The following ROR1 variants were observed in gnomAD, a reference collection of about 807,000 sequenced individuals.
The protein encoded by ROR1 is inactive tyrosine-protein kinase transmembrane receptor ROR1.
ROR1 carries 19 observed loss-of-function variants against 78.8 expected under a neutral mutation model. That is an observed-to-expected ratio of 0.24 (90% CI 0.17 to 0.35). The LOEUF (loss-of-function observed/expected upper bound fraction) is 0.35, where lower values mean the gene tolerates loss of function less well. Ranked by LOEUF, ROR1 falls within the 10% of genes least tolerant of loss-of-function variation. The pLI is 1.00. For missense variants in ROR1, 917 were observed against 1,177.8 expected (o/e 0.78, Z 3.24); for synonymous variants, 386 against 433.6 (o/e 0.89, Z 1.36).
chr1:64,158,644 T>C (rs77713163), intron 7 of ROR1, among the ~76,000 whole-genome samples: 2,692 of 152,302 alleles, frequency 0.018, 42 homozygotes, highest in Non-Finnish European at 0.027. Context: ...ATGTATACAG[T>C]CCATTCACGT....
intron 1 of ROR1, among the ~76,000 whole-genome samples, chr1:63,956,397 A>G (rs1351275010): frequency 5.3e-5 from 8 of 152,312 alleles, no homozygotes; most frequent in Admixed American, 3.9e-4. Context: ...CCCAAGAGCA[A>G]CAATCCCAGA....
chr1:63,917,104 G>A (rs1478898566), intron 1 of ROR1, among the ~76,000 whole-genome samples: 1 of 152,072 alleles, frequency 6.6e-6, no homozygotes, highest in Non-Finnish European at 1.5e-5. Context: ...CACAGCAGAA[G>A]ACATCAGGTG....
In ROR1 at chr1:63,915,988, T is replaced by C. The variant is rs180923924; in HGVS notation, c.92-93317T>C. On this transcript the variant is annotated intron_variant, in intron 1 of 8. Transcript: ENST00000371079. ...GCAGTGTCCCTCTGGGAAACATGAA[T>C]CTGTTCCTGGCACCTCTCTAGACAC... Among the ~76,000 whole-genome samples the C allele has an allele frequency of 4.2e-3, 640 of 152,254 alleles. 19 individuals carry two copies. Among genetic ancestry groups the C allele is most frequent in the Non-Finnish European group, 2.4e-3 (161 of 68,026 alleles).
chr1:63,814,343 G>A (rs1000884757), intron 1 of ROR1, among the ~76,000 whole-genome samples: 3 of 152,006 alleles, frequency 2.0e-5, no homozygotes, highest in African/African-American at 7.2e-5. Context: ...CTCTTTTAAT[G>A]CAGCTATTCA....
At chr1:64,023,375 A>T (rs1260532825) in intron 2 of ROR1, among the ~76,000 whole-genome samples, 1 of 152,102 alleles carries the variant, frequency 6.6e-6, no homozygotes, top group Non-Finnish European at 1.5e-5. Flanking sequence ...ATCCAGCTAA[A>T]CAGCTTGGGT....
chr1:64,070,982 C>G (rs891816225), intron 4 of ROR1, among the ~76,000 whole-genome samples: 1 of 152,178 alleles, frequency 6.6e-6, no homozygotes, highest in African/African-American at 2.4e-5. Context: ...GTGAGCCAGG[C>G]TTGCAGAGAG....
intron 1 of ROR1, among the ~76,000 whole-genome samples, chr1:63,801,213 T>A (rs1225443949): frequency 6.6e-6 from 1 of 152,196 alleles, no homozygotes; most frequent in Non-Finnish European, 1.5e-5. Flanking sequence ...ATTTGCATGC[T>A]TTTGACCTCT....
chr1:63,855,773 C>G (rs899381512), intron 1 of ROR1, among the ~76,000 whole-genome samples: 1 of 151,818 alleles, frequency 6.6e-6, no homozygotes, highest in African/African-American at 2.4e-5. Flanking sequence ...CTCAGCCTCC[C>G]AAGTAGCTGG....
intron 1 of ROR1, among the ~76,000 whole-genome samples, chr1:63,989,929 C>CT (rs1646281723): frequency 6.6e-6 from 1 of 152,222 alleles, no homozygotes. Flanking sequence ...AACCTCTCCC[C>CT]TTCCTCATTG....
At chr1:63,906,671 G>C (rs1645531429) in intron 1 of ROR1, among the ~76,000 whole-genome samples, 1 of 152,220 alleles carries the variant, frequency 6.6e-6, no homozygotes, top group Non-Finnish European at 1.5e-5. Flanking sequence ...ATGTGCAAGA[G>C]AGGCAGTTAG....
rs1444918893 is a variant in ROR1 at position 64,178,197 on chromosome 1, C to T, written c.2156C>T (p.Pro719Leu). 1.2e-6 allele frequency: 2 copies of T among 1,614,038 alleles called. No homozygotes were observed. The highest frequency in any genetic ancestry group is 1.7e-6 in the Non-Finnish European group (2 of 1,180,026). ...TTACCATGCTCTGAAGACTGCCCAC[C>T]CAGAATGTACAGCCTCATGACAGAG... ...QLLPCSEDCP[P>L]RMYSLMTECW... The change falls in exon 9 of 9, where the codon CCC (proline) becomes CTC (leucine). Residue 719 changes from proline (P) to leucine (L), a missense_variant. Coordinates refer to ENST00000371079, the MANE Select transcript of ROR1 (RefSeq NM_005012.4). The surrounding 1 kb of genome is among the most constrained non-coding windows in gnomAD (Gnocchi z 4.3).
At chr1:63,776,787 T>G (rs1448754484) in intron 1 of ROR1, among the ~76,000 whole-genome samples, 1 of 152,146 alleles carries the variant, frequency 6.6e-6, no homozygotes. Flanking sequence ...CACCATACTC[T>G]TTAGTAATGA....
At chr1:63,810,058 C>G (rs1450575050) in intron 1 of ROR1, among the ~76,000 whole-genome samples, 1 of 152,056 alleles carries the variant, frequency 6.6e-6, no homozygotes, top group African/African-American at 2.4e-5. Flanking sequence ...AGTTTAAAGG[C>G]CAGGTGTTTG....
Position 64,140,148 on chromosome 1 carries a change from A to G in ROR1, c.650A>G (p.Asp217Gly), listed in dbSNP as rs1649254430. Reference protein sequence around the residue: ...TMIGTSSHLSDKCSQFAIPSL... With the variant: ...TMIGTSSHLSGKCSQFAIPSL... ...ATTGGCACTTCCAGTCACTTATCTG[A>G]TAAGTGTTCTCAGTTCGCCATTCCT... Residue 217 changes from aspartate to glycine, a missense_variant, in exon 6 of 9, where the codon GAT becomes GGT. This residue lies in a region of ROR1 where 835 missense variants were observed against 1,069.8 expected (regional missense o/e 0.78). Transcript: ENST00000371079. The G allele has an allele frequency of 6.2e-7, 1 of 1,614,032 alleles. No individual in the cohort carries two copies. The highest frequency in any genetic ancestry group is 8.5e-7 in the Non-Finnish European group (1 of 1,179,984).
intron 5 of ROR1, 86 bp from the exon 6 acceptor site, chr1:64,140,023 G>A (rs1649248112): frequency 3.2e-6 from 4 of 1,237,212 alleles, no homozygotes; most frequent in Non-Finnish European, 4.6e-6. Context: ...CTTGCAATGT[G>A]TGTTTATATC....
intron 1 of ROR1, chr1:63,843,066 A>C: frequency 2.0e-6 from 1 of 503,294 alleles, no homozygotes; most frequent in South Asian, 2.2e-5. Context: ...ACTGGAGTGA[A>C]GGGATTGCCC....
chr1:64,124,736 A>G (rs2762840), intron 4 of ROR1, among the ~76,000 whole-genome samples: 123,394 of 152,118 alleles, frequency 0.81, 50,257 homozygotes, highest in East Asian at 0.98. Flanking sequence ...AGGGGTGGGA[A>G]GGGGTTCTTT....
chr1:64,151,877 C>T (rs902875367), intron 7 of ROR1, among the ~76,000 whole-genome samples: 9 of 53,516 alleles, frequency 1.7e-4, no homozygotes, highest in African/African-American at 2.2e-4. Context: ...AGCGACACTC[C>T]GTCTCAAAAA....
intron 1 of ROR1, among the ~76,000 whole-genome samples, chr1:63,800,332 G>A (rs1644787964): frequency 6.6e-6 from 1 of 152,138 alleles, no homozygotes; most frequent in Non-Finnish European, 1.5e-5. Context: ...ATTTTCAGGA[G>A]TATGTTTTGT....
Sources: gnomAD v4.1 joint callset for allele counts (sites outside exome capture counted in the v4.1 genomes callset) on GRCh38, gnomAD v4.1.1 for gene constraint, gnomAD v4.1.1 regional missense constraint, Gnocchi (gnomAD v3.1) non-coding constraint, MANE v1.5 for transcripts, NCBI Gene and HGNC (gene_info 2026-07-23, HGNC 2026-07-21) for gene names.